The following ZNF385D variants were observed in gnomAD, a reference collection of about 807,000 sequenced individuals.
ZNF385D encodes the protein zinc finger protein 385D, also known as zinc finger protein 659.
ZNF385D carries 15 observed loss-of-function variants against 35.8 expected under a neutral mutation model. The observed-to-expected ratio is 0.42, with a 90% confidence interval of 0.28 to 0.64. The LOEUF (loss-of-function observed/expected upper bound fraction) is 0.64, where lower values mean the gene tolerates loss of function less well. Among genes scored for constraint, ZNF385D ranks in the 30% least tolerant of loss-of-function variants. ZNF385D has a pLI of 0.23. For synonymous variants in ZNF385D, 212 were observed against 186.8 expected, an observed-to-expected ratio of 1.13 and a Z score of -1.10; for missense variants, 474 against 494.6, an observed-to-expected ratio of 0.96 and a Z score of 0.39.
At chr3:21,631,606 T>G (rs1329615899) in intron 2 of ZNF385D, among the ~76,000 whole-genome samples, 1 of 152,140 alleles carries the variant, frequency 6.6e-6, no homozygotes, top group Non-Finnish European at 1.5e-5. Context: ...GCACACACAT[T>G]TTTCAAATAC....
chr3:21,813,827 A>G (rs2073036388), intron 3 of ZNF385D, among the ~76,000 whole-genome samples: 1 of 152,162 alleles, frequency 6.6e-6, no homozygotes, highest in Admixed American at 6.5e-5. Context: ...GCAGGCCAAC[A>G]TTGAAATTCA....
intron 3 of ZNF385D, among the ~76,000 whole-genome samples, chr3:21,838,986 T>C (rs979097974): frequency 1.3e-5 from 2 of 152,080 alleles, no homozygotes; most frequent in Non-Finnish European, 2.9e-5. Flanking sequence ...GTACTTTCTA[T>C]TATTACAATT....
At chr3:21,764,152 G>C (rs1396910583) in intron 3 of ZNF385D, among the ~76,000 whole-genome samples, 2 of 152,172 alleles carry the variant, frequency 1.3e-5, no homozygotes, top group African/African-American at 2.4e-5. Flanking sequence ...TCAGAAATTA[G>C]TCAGACAAAG....
At chr3:21,602,459 C>T (rs149619373) in intron 2 of ZNF385D, among the ~76,000 whole-genome samples, 5 of 150,132 alleles carry the variant, frequency 3.3e-5, no homozygotes, top group East Asian at 2.0e-4. Flanking sequence ...CAAGTACTAG[C>T]GCAGGGTTAG....
intron 3 of ZNF385D, among the ~76,000 whole-genome samples, chr3:21,807,567 A>C (rs2072710185): frequency 6.6e-6 from 1 of 152,324 alleles, no homozygotes; most frequent in Non-Finnish European, 1.5e-5. Context: ...TGTTGAACTA[A>C]GAAATACAAT....
intron 3 of ZNF385D, among the ~76,000 whole-genome samples, chr3:22,063,124 G>A (rs1699771779): frequency 6.6e-6 from 1 of 152,132 alleles, no homozygotes; most frequent in African/African-American, 2.4e-5. Context: ...CTCACTAAAA[G>A]AAGACATTCC....
At chr3:22,278,727 G>A (rs1043274433) in intron 2 of ZNF385D, among the ~76,000 whole-genome samples, 3 of 152,088 alleles carry the variant, frequency 2.0e-5, no homozygotes, top group Admixed American at 6.6e-5. Flanking sequence ...GAAAGGATCA[G>A]AGAAAATTGG....
intron 3 of ZNF385D, among the ~76,000 whole-genome samples, chr3:21,521,427 G>A (rs1230837952): frequency 6.6e-6 from 1 of 152,152 alleles, no homozygotes; most frequent in South Asian, 2.1e-4. Context: ...ATAGAGTGGT[G>A]AACAAGTCAG....
At chr3:21,976,476 C>G (rs1703631513) in intron 3 of ZNF385D, among the ~76,000 whole-genome samples, 1 of 151,980 alleles carries the variant, frequency 6.6e-6, no homozygotes, top group South Asian at 2.1e-4. Context: ...AGGGACGCAG[C>G]TGAAGATAAA....
chr3:21,577,266 T>C (rs921942812), intron 2 of ZNF385D, among the ~76,000 whole-genome samples: 2 of 152,228 alleles, frequency 1.3e-5, no homozygotes, highest in Admixed American at 6.5e-5. Context: ...GGTATTTGTC[T>C]TTCTGTGTCT....
chr3:22,001,467 A>G (rs1695841664), intron 3 of ZNF385D, among the ~76,000 whole-genome samples: 1 of 152,162 alleles, frequency 6.6e-6, no homozygotes, highest in African/African-American at 2.4e-5. Flanking sequence ...ACTCAATACC[A>G]AAGCAGCCAG....
chr3:22,004,600 T>G (rs148210538), intron 3 of ZNF385D, among the ~76,000 whole-genome samples: 2 of 152,140 alleles, frequency 1.3e-5, no homozygotes, highest in African/African-American at 2.4e-5. Flanking sequence ...TCCCATTCTA[T>G]TCCTAGAAAT....
chr3:21,665,053 C>T (rs1184947479), intron 1 of ZNF385D, 25 bp from the exon 2 acceptor site: 2 of 1,557,798 alleles, frequency 1.3e-6, no homozygotes, highest in Non-Finnish European at 1.7e-6. Context: ...GCAAAGGGAG[C>T]AATCAGGGAC....
intron 4 of ZNF385D, among the ~76,000 whole-genome samples, chr3:21,449,673 T>C (rs1248082429): frequency 1.3e-5 from 2 of 152,216 alleles, no homozygotes; most frequent in Non-Finnish European, 2.9e-5. Flanking sequence ...ATCTTATTTC[T>C]TGTATATCAT....
At chr3:21,982,307 T>G (rs1445510781) in intron 3 of ZNF385D, among the ~76,000 whole-genome samples, 1 of 152,132 alleles carries the variant, frequency 6.6e-6, no homozygotes, top group Non-Finnish European at 1.5e-5. Context: ...GTTAGCTGTA[T>G]TTCTAGGTTT....
chr3:22,261,034 A>G lies in ZNF385D; in HGVS notation c.107-91999T>C, dbSNP rs546164512. ...TTAAATGGGGATAATTATTTGACTCATATGTACTAGAAATGAACTGAAATT... is the reference window on the plus strand; with the variant it reads ...TTAAATGGGGATAATTATTTGACTCGTATGTACTAGAAATGAACTGAAATT... On this transcript the variant is annotated intron_variant, in intron 2 of 5. Coordinates refer to the ZNF385D transcript ENST00000494108. Among the ~76,000 whole-genome samples, 30 of 152,128 alleles carry G rather than the reference A, an allele frequency of 2.0e-4. No homozygotes were observed. The South Asian group carries it at 5.4e-3, about 27-fold the overall frequency.
chr3:21,606,565 A>G (rs900652184), intron 2 of ZNF385D, among the ~76,000 whole-genome samples: 1 of 152,340 alleles, frequency 6.6e-6, no homozygotes, highest in Non-Finnish European at 1.5e-5. Context: ...CTAAGCCTGC[A>G]AGACTAATAA....
chr3:21,693,898 T>TTA (rs2067370489), intron 1 of ZNF385D, among the ~76,000 whole-genome samples: 1 of 147,774 alleles, frequency 6.8e-6, no homozygotes, highest in African/African-American at 2.5e-5. Flanking sequence ...TTTTTTTTTT[T>TTA]GAGACGGAGT....
chr3:22,339,597 G>A (rs371234108), intron 2 of ZNF385D, among the ~76,000 whole-genome samples: 18 of 152,128 alleles, frequency 1.2e-4, no homozygotes, highest in African/African-American at 3.9e-4. Flanking sequence ...TCCATTTGAT[G>A]CTCAGAAATA....
Sources: allele counts gnomAD v4.1 joint callset (sites outside exome capture counted in the v4.1 genomes callset), GRCh38; gene constraint gnomAD v4.1.1; transcripts MANE v1.5; gene names NCBI Gene and HGNC (gene_info 2026-07-23, HGNC 2026-07-21).